SHANK2: variants seen among roughly 807,000 people sequenced by gnomAD.
The protein encoded by SHANK2 is SH3 and multiple ankyrin repeat domains protein 2.
SHANK2 carries 43 observed loss-of-function variants against 133.7 expected under a neutral mutation model. The ratio of observed to expected loss-of-function variants is 0.32; its 90% CI spans 0.25 to 0.41. The LOEUF is 0.41. Among genes scored for constraint, SHANK2 ranks in the 10% least tolerant of loss-of-function variants. The pLI, the probability that SHANK2 is intolerant of heterozygous loss-of-function variation, is 1.00. For synonymous variants in SHANK2, 1,017 were observed against 952.8 expected (o/e 1.07, Z -1.24); for missense variants, 1,994 against 2,235.8 (o/e 0.89, Z 2.18).
Position 70,479,846 on chromosome 11 carries a change from CTGGGTCATAGCAAGTTTGTTT to C in SHANK2, c.4979+5447_4979+5467del, listed in dbSNP as rs569622929. Among the ~76,000 whole-genome samples the C allele has an allele frequency of 3.3e-4, 50 of 152,322 alleles. No homozygotes were observed. In the South Asian group the frequency reaches 5.0e-3, roughly 15 times the overall value. ...GGAGGGCACATGACACCTGGGGCTC[CTGGGTCATAGCAAGTTTGTTT>C]TGGGTCAAAGCATATAAGTCAGGCA... On this transcript the variant is annotated intron_variant, in intron 25 of 25. Coordinates refer to ENST00000601538, the MANE Select transcript of SHANK2 (RefSeq NM_012309.5). The surrounding 1 kb of genome is among the most constrained non-coding windows in gnomAD (Gnocchi z 4.4).
intron 1 of SHANK2, among the ~76,000 whole-genome samples, chr11:71,229,114 C>T (rs930259213): frequency 7.2e-5 from 11 of 152,132 alleles, no homozygotes; most frequent in African/African-American, 2.7e-4. Flanking sequence ...TGCGAAGAAA[C>T]ATGAGCCAAG....
At chr11:70,768,721 G>A (rs1947178659) in intron 14 of SHANK2, among the ~76,000 whole-genome samples, 1 of 152,250 alleles carries the variant, frequency 6.6e-6, no homozygotes, top group Non-Finnish European at 1.5e-5. Context: ...GCTGGGGGAA[G>A]CCTCAGGCCA....
intron 2 of SHANK2, among the ~76,000 whole-genome samples, chr11:71,165,877 C>T (rs1201035674): frequency 6.6e-6 from 1 of 152,130 alleles, no homozygotes; most frequent in Non-Finnish European, 1.5e-5. Context: ...TCCTCAGGAC[C>T]CAGTGTAGAC....
chr11:70,501,946 A>G lies in SHANK2; in HGVS notation c.2279-15T>C. On this transcript the variant is annotated splice_polypyrimidine_tract_variant and intron_variant, in intron 19 of 25. Coordinates refer to ENST00000601538, the MANE Select transcript of SHANK2 (RefSeq NM_012309.5). Reference sequence around the variant, plus strand: ...ACCTTTATCCACTAGTGAGAGGCCCAAAAATTCAAAACAAAACAATGTTAG... The same window carrying G: ...ACCTTTATCCACTAGTGAGAGGCCCGAAAATTCAAAACAAAACAATGTTAG... The G allele has an allele frequency of 6.4e-7, 1 of 1,556,804 alleles. No individual in the cohort carries two copies. The highest frequency in any genetic ancestry group is 8.7e-7 in the Non-Finnish European group (1 of 1,149,456).
intron 11 of SHANK2, among the ~76,000 whole-genome samples, chr11:70,888,540 C>T (rs969097836): frequency 7.2e-5 from 11 of 152,142 alleles, no homozygotes; most frequent in African/African-American, 1.9e-4. Context: ...TAGGGCCGAG[C>T]GCGGTGGTTC....
intron 10 of SHANK2, among the ~76,000 whole-genome samples, chr11:70,935,219 G>T (rs990380227): frequency 3.9e-5 from 6 of 152,094 alleles, no homozygotes; most frequent in African/African-American, 1.4e-4. Context: ...CAGCGTGTCC[G>T]TGCTGTCTAG....
chr11:70,903,301 C>T (rs1355695827), intron 10 of SHANK2, among the ~76,000 whole-genome samples: 9 of 151,790 alleles, frequency 5.9e-5, no homozygotes, highest in African/African-American at 1.2e-4. Flanking sequence ...TGCTTGAACC[C>T]GGGAGGCGGA....
At chr11:70,505,598 G>A (rs782022216) in intron 17 of SHANK2, among the ~76,000 whole-genome samples, 11 of 152,148 alleles carry the variant, frequency 7.2e-5, no homozygotes, top group African/African-American at 1.2e-4. Flanking sequence ...CCCCAGTGCC[G>A]GGCCTTGAGG....
At chr11:71,155,268 A>C (rs1488779927) in intron 2 of SHANK2, among the ~76,000 whole-genome samples, 7 of 48,760 alleles carry the variant, frequency 1.4e-4, no homozygotes, top group South Asian at 8.0e-4. Context: ...GACCTACCCC[A>C]GCCCACGCTC....
chr11:70,784,305 T>A (rs1947588944), intron 14 of SHANK2, among the ~76,000 whole-genome samples: 2 of 142,948 alleles, frequency 1.4e-5, no homozygotes, highest in Non-Finnish European at 3.0e-5. Context: ...GCCCCCCAAG[T>A]AGCTGGGACT....
intron 14 of SHANK2, among the ~76,000 whole-genome samples, chr11:70,716,901 C>CCG (rs1555027438): frequency 6.7e-6 from 1 of 149,524 alleles, no homozygotes; most frequent in African/African-American, 2.5e-5. Context: ...CGGAGCCCCC[C>CCG]CCCCGCCCAA....
chr11:70,884,587 G>A (rs1555073027), intron 11 of SHANK2, among the ~76,000 whole-genome samples: 1 of 152,188 alleles, frequency 6.6e-6, no homozygotes, highest in African/African-American at 2.4e-5. Context: ...GGATTGGAAG[G>A]GAATGACCAT....
intron 8 of SHANK2, among the ~76,000 whole-genome samples, chr11:71,087,529 T>G (rs1290869436): frequency 1.3e-5 from 2 of 152,246 alleles, no homozygotes; most frequent in Non-Finnish European, 2.9e-5. Context: ...CAGAGCACTG[T>G]GATGTCTAAA....
intron 15 of SHANK2, among the ~76,000 whole-genome samples, chr11:70,688,068 G>A (rs533231239): frequency 6.6e-6 from 1 of 152,294 alleles, no homozygotes; most frequent in South Asian, 2.1e-4. Context: ...CCACAGAAAA[G>A]GCCGTCATGA....
At position 70,716,130 on chromosome 11, in the gene SHANK2, C is replaced by T. The variant is rs147947072; in HGVS notation, c.1778-17367G>A. Among the ~76,000 whole-genome samples the T allele has an allele frequency of 1.5e-3, 230 of 152,320 alleles. 2 individuals carry two copies. Among genetic ancestry groups the T allele is most frequent in the African/African-American group, 5.4e-3 (224 of 41,568 alleles). On this transcript the variant is annotated intron_variant, in intron 14 of 25. Transcript: ENST00000601538. ...CCACAGAACATCCTGTCTTAGGGCC[C>T]TCTTTGTGGTCGGCCTCTTTCCCCG...
chr11:70,611,238 G>A (rs1377722348), intron 17 of SHANK2, among the ~76,000 whole-genome samples: 3 of 152,234 alleles, frequency 2.0e-5, no homozygotes, highest in African/African-American at 7.2e-5. Flanking sequence ...AGGCTGGTTG[G>A]CAGAAGCTCA....
chr11:70,534,423 G>A (rs1396822738), intron 17 of SHANK2, among the ~76,000 whole-genome samples: 2 of 152,140 alleles, frequency 1.3e-5, no homozygotes, highest in Non-Finnish European at 2.9e-5. Context: ...GGGATTATGG[G>A]AACTACAATT....
At chr11:71,146,433 C>G (rs1555106697) in intron 3 of SHANK2, among the ~76,000 whole-genome samples, 1 of 152,254 alleles carries the variant, frequency 6.6e-6, no homozygotes, top group East Asian at 1.9e-4. Flanking sequence ...CGAAGCTCCC[C>G]TTTACAGACA....
In SHANK2 at chr11:70,510,306, G is replaced by C. The variant is rs183133739; in HGVS notation, c.2062-7375C>G. ...AAGGTCCTGGGGGAAGGGGTGTTGTGAGTGGGAACTCAGAGGCACTGTCAT... is the reference window on the plus strand; with the variant it reads ...AAGGTCCTGGGGGAAGGGGTGTTGTCAGTGGGAACTCAGAGGCACTGTCAT... On this transcript the variant is annotated intron_variant, in intron 17 of 25. Coordinates refer to ENST00000601538, the MANE Select transcript of SHANK2 (RefSeq NM_012309.5). Among the ~76,000 whole-genome samples, 52 of 152,330 alleles carry C rather than the reference G, an allele frequency of 3.4e-4. No individual in the cohort carries two copies. The East Asian group carries it at 5.4e-3, about 16-fold the overall frequency.
Sources: allele counts gnomAD v4.1 joint callset (sites outside exome capture counted in the v4.1 genomes callset), GRCh38; gene constraint gnomAD v4.1.1; non-coding constraint Gnocchi (gnomAD v3.1); transcripts MANE v1.5; gene names NCBI Gene and HGNC (gene_info 2026-07-23, HGNC 2026-07-21).